The following DPP6 variants were observed in gnomAD, a reference collection of about 807,000 sequenced individuals.
DPP6 encodes dipeptidyl peptidase like 6.
In DPP6, 69 loss-of-function variants were observed where a neutral mutation model predicts 122.6. That is an observed-to-expected ratio of 0.56 (90% CI 0.46 to 0.69). DPP6 has a LOEUF of 0.69. Among genes scored for constraint, DPP6 ranks in the 30% least tolerant of loss-of-function variants. The pLI is 0.00. For synonymous variants in DPP6, 418 were observed against 433.1 expected, an observed-to-expected ratio of 0.97 and a Z score of 0.43; for missense variants, 928 against 1,116.9, an observed-to-expected ratio of 0.83 and a Z score of 2.41.
At chr7:154,809,947 G>A (rs1016438974) in intron 16 of DPP6, among the ~76,000 whole-genome samples, 6 of 152,188 alleles carry the variant, frequency 3.9e-5, no homozygotes, top group African/African-American at 1.4e-4. Flanking sequence ...TCAGCTCACT[G>A]CAACCTCTGC....
At chr7:153,950,574 A>T (rs940049947) in intron 1 of DPP6, among the ~76,000 whole-genome samples, 12 of 152,220 alleles carry the variant, frequency 7.9e-5, no homozygotes, top group African/African-American at 2.9e-4. Flanking sequence ...GTAATACCAC[A>T]GCCCAGGAAG....
chr7:154,886,814 G>A (rs79943488), intron 22 of DPP6, among the ~76,000 whole-genome samples: 1 of 152,158 alleles, frequency 6.6e-6, no homozygotes, highest in African/African-American at 2.4e-5. Flanking sequence ...CAGGGACCAC[G>A]GTGGGCCCAG....
chr7:154,024,697 T>A, intron 1 of DPP6, among the ~76,000 whole-genome samples: 1 of 152,114 alleles, frequency 6.6e-6, no homozygotes, highest in Non-Finnish European at 1.5e-5. Flanking sequence ...TTGTTTAGGG[T>A]TTATTGTGTG....
At chr7:154,243,909 C>T (rs987756542) in intron 1 of DPP6, among the ~76,000 whole-genome samples, 1 of 151,902 alleles carries the variant, frequency 6.6e-6, no homozygotes, top group South Asian at 2.1e-4. Flanking sequence ...AACCGTATCT[C>T]AGTGAACTAG....
At chr7:154,634,458 C>T (rs1445601353) in intron 5 of DPP6, among the ~76,000 whole-genome samples, 1 of 152,086 alleles carries the variant, frequency 6.6e-6, no homozygotes. Flanking sequence ...ATAAATCATG[C>T]TGCTACAAAG....
Position 154,752,899 on chromosome 7 carries a change from G to T in DPP6, c.884-16518G>T, listed in dbSNP as rs908456672. On this transcript the variant is annotated intron_variant, in intron 8 of 25. Coordinates refer to ENST00000377770, the MANE Select transcript of DPP6 (RefSeq NM_130797.4). ...GTGGACGGGTGTGGCTCTAGTGAACGGGATTTCCACCTTAGATTCTGTTCC... is the reference window on the plus strand; with the variant it reads ...GTGGACGGGTGTGGCTCTAGTGAACTGGATTTCCACCTTAGATTCTGTTCC... 3.3e-5 allele frequency among the ~76,000 whole-genome samples: 5 copies of T among 152,156 alleles called. No homozygotes were observed. The East Asian group carries it at 9.6e-4, about 29-fold the overall frequency.
intron 6 of DPP6, among the ~76,000 whole-genome samples, chr7:154,655,138 TGA>T (rs1214794753): frequency 6.6e-6 from 1 of 152,192 alleles, no homozygotes; most frequent in Non-Finnish European, 1.5e-5. Flanking sequence ...GATTAGACAC[TGA>T]GAATGCTATT....
At chr7:154,391,371 T>G (rs945989546) in intron 1 of DPP6, among the ~76,000 whole-genome samples, 3 of 152,176 alleles carry the variant, frequency 2.0e-5, no homozygotes, top group African/African-American at 7.2e-5. Context: ...AGGTGTCACT[T>G]CTGGGTTCAT....
At chr7:153,799,694 T>TA in the DPP6 span, among the ~76,000 whole-genome samples, 6,528 of 152,256 alleles carry the variant, frequency 0.043, 183 homozygotes, top group Non-Finnish European at 0.054. Flanking sequence ...CCACTTCCTC[T>TA]AAAAAAGATA....
the DPP6 span, among the ~76,000 whole-genome samples, chr7:153,827,411 C>T: frequency 6.6e-6 from 1 of 152,150 alleles, no homozygotes; most frequent in South Asian, 2.1e-4. Context: ...GGGCATTACA[C>T]GTAAAACAAA....
Position 154,727,759 on chromosome 7 carries a change from C to T in DPP6, c.763-8C>T. On this transcript the variant is annotated splice_polypyrimidine_tract_variant and splice_region_variant and intron_variant, in intron 7 of 25. Coordinates refer to ENST00000377770, the MANE Select transcript of DPP6 (RefSeq NM_130797.4). ...TTAATATTATGCTTTTTTCTCTTTC[C>T]AAATTAGATATTTATTTTTGAAAAC... 6.2e-7 allele frequency: 1 copy of T among 1,603,812 alleles called. No homozygotes were observed. Among genetic ancestry groups the T allele is most frequent in the South Asian group, 1.1e-5 (1 of 88,886 alleles).
At chr7:154,401,727 C>A (rs1009289807) in intron 1 of DPP6, among the ~76,000 whole-genome samples, 22 of 152,164 alleles carry the variant, frequency 1.4e-4, no homozygotes, top group Non-Finnish European at 2.8e-4. Flanking sequence ...CAATGGCAAC[C>A]AAAGCCAAAA....
At chr7:154,102,483 C>A (rs1021961100) in intron 1 of DPP6, among the ~76,000 whole-genome samples, 4 of 152,182 alleles carry the variant, frequency 2.6e-5, no homozygotes, top group Admixed American at 6.5e-5. Context: ...GCCACTGTGC[C>A]CAGCCAAGCC....
At chr7:154,365,424 G>T (rs1812070364) in intron 1 of DPP6, among the ~76,000 whole-genome samples, 1 of 152,144 alleles carries the variant, frequency 6.6e-6, no homozygotes, top group African/African-American at 2.4e-5. Context: ...ACAAAGAACC[G>T]GAAGAGCTCA....
chr7:154,012,532 A>T (rs930121927), intron 1 of DPP6, among the ~76,000 whole-genome samples: 3 of 152,202 alleles, frequency 2.0e-5, no homozygotes, highest in African/African-American at 7.2e-5. Context: ...AAGACAATTC[A>T]TAGAATGGGA....
At chr7:154,706,296 C>A (rs1840826036) in intron 7 of DPP6, among the ~76,000 whole-genome samples, 1 of 152,218 alleles carries the variant, frequency 6.6e-6, no homozygotes, top group Admixed American at 6.5e-5. Context: ...GCTCCCTCTC[C>A]TGCGATGCTC....
chr7:153,853,140 A>G, the DPP6 span, among the ~76,000 whole-genome samples: 1 of 152,236 alleles, frequency 6.6e-6, no homozygotes, highest in Non-Finnish European at 1.5e-5. Context: ...ATGCATGGCT[A>G]TAATGTCCTC....
intron 9 of DPP6, among the ~76,000 whole-genome samples, chr7:154,771,918 G>A (rs901953123): frequency 1.3e-5 from 2 of 152,192 alleles, no homozygotes; most frequent in African/African-American, 2.4e-5. Context: ...CTTACCAGCT[G>A]TTCACAGCCA....
intron 1 of DPP6, among the ~76,000 whole-genome samples, chr7:153,920,563 CTTTTT>C (rs61553100): frequency 1.1e-5 from 1 of 88,690 alleles, no homozygotes; most frequent in African/African-American, 4.6e-5. Context: ...TTATCTCTCT[CTTTTT>C]TTTTTTTTTT....
Sources: gnomAD v4.1 joint callset for allele counts (sites outside exome capture counted in the v4.1 genomes callset) on GRCh38, gnomAD v4.1.1 for gene constraint, MANE v1.5 for transcripts, NCBI Gene and HGNC (gene_info 2026-07-23, HGNC 2026-07-21) for gene names.